PTPRK: variants seen among roughly 807,000 people sequenced by gnomAD.
The protein encoded by PTPRK is receptor-type tyrosine-protein phosphatase kappa.
Under a neutral mutation model 178.0 loss-of-function variants are expected in PTPRK, and 75 were observed. That is an observed-to-expected ratio of 0.42 (90% confidence interval 0.35 to 0.51). PTPRK has a LOEUF of 0.51. Ranked by LOEUF, PTPRK falls within the 20% of genes least tolerant of loss-of-function variation. PTPRK has a pLI of 0.02. For missense variants in PTPRK, 1,441 were observed against 1,797.8 expected, an observed-to-expected ratio of 0.80 and a Z score of 3.59; for synonymous variants, 637 against 620.6, an observed-to-expected ratio of 1.03 and a Z score of -0.39.
At chr6:127,990,025 C>T (rs754206841) in intron 21 of PTPRK, among the ~76,000 whole-genome samples, 1 of 152,088 alleles carries the variant, frequency 6.6e-6, no homozygotes, top group Non-Finnish European at 1.5e-5. Flanking sequence ...AGCCACCTTA[C>T]GTTATTCTTT....
At chr6:128,254,143 G>A (rs1166641794) in intron 3 of PTPRK, among the ~76,000 whole-genome samples, 2 of 152,116 alleles carry the variant, frequency 1.3e-5, no homozygotes, top group Non-Finnish European at 2.9e-5. Context: ...GAGGAGAAAG[G>A]TTTTGACATA....
At chr6:127,999,991 A>G (rs1777614753) in intron 15 of PTPRK, 2 of 933,714 alleles carry the variant, frequency 2.1e-6, no homozygotes, top group Non-Finnish European at 2.6e-6. Context: ...ATTTTTGCCT[A>G]TGAAGAATAA....
At chr6:128,191,816 A>C (rs1803851851) in intron 6 of PTPRK, among the ~76,000 whole-genome samples, 1 of 152,194 alleles carries the variant, frequency 6.6e-6, no homozygotes, top group African/African-American at 2.4e-5. Context: ...GAAAATAATA[A>C]ATTTACCACG....
chr6:128,219,259 C>CTCGAAAGCAG (rs143149143), intron 5 of PTPRK, among the ~76,000 whole-genome samples, 163 bp from the exon 6 acceptor site: 11,486 of 152,194 alleles, frequency 0.075, 591 homozygotes, highest in Non-Finnish European at 0.11. Context: ...TACTGGTATC[C>CTCGAAAGCAG]TCGAAAGCAG....
At chr6:128,358,861 A>T (rs1046378302) in intron 2 of PTPRK, among the ~76,000 whole-genome samples, 1 of 152,232 alleles carries the variant, frequency 6.6e-6, no homozygotes, top group Non-Finnish European at 1.5e-5. Context: ...GAAAGCAGCA[A>T]TATATTTCAG....
chr6:128,020,774 C>A (rs114431728), intron 13 of PTPRK, among the ~76,000 whole-genome samples: 29 of 152,228 alleles, frequency 1.9e-4, no homozygotes, highest in African/African-American at 7.0e-4. Context: ...TGCTTATTTA[C>A]GAAATGAAGG....
chr6:128,343,500 C>CA (rs1199189035), intron 2 of PTPRK, among the ~76,000 whole-genome samples: 5,354 of 67,864 alleles, frequency 0.079, 357 homozygotes, highest in African/African-American at 0.23. Flanking sequence ...AACTCCATCT[C>CA]AAAAAAAAAA....
chr6:128,383,915 C>T (rs981736825), intron 2 of PTPRK, among the ~76,000 whole-genome samples: 1 of 152,044 alleles, frequency 6.6e-6, no homozygotes, highest in African/African-American at 2.4e-5. Flanking sequence ...TTCTATAAAA[C>T]ATTAAGTTAA....
intron 1 of PTPRK, among the ~76,000 whole-genome samples, chr6:128,432,579 G>A (rs866084072): frequency 2.3e-4 from 35 of 152,108 alleles, no homozygotes; most frequent in African/African-American, 8.4e-4. Context: ...CTATGTCCCT[G>A]TTTCAGTCCC....
chr6:128,233,984 G>T (rs148556780), intron 5 of PTPRK, among the ~76,000 whole-genome samples: 3 of 152,304 alleles, frequency 2.0e-5, no homozygotes, highest in Non-Finnish European at 4.4e-5. Flanking sequence ...CAAAGCATAT[G>T]GTCTGACAGA....
At chr6:127,980,136 C>T (rs1476191711) in intron 25 of PTPRK, among the ~76,000 whole-genome samples, 2 of 152,168 alleles carry the variant, frequency 1.3e-5, no homozygotes, top group Non-Finnish European at 2.9e-5. Flanking sequence ...CATGGTGAAA[C>T]CCCATCTCTA....
rs200501268 is a variant in PTPRK, at chr6:128,083,776, T to C, written c.1514A>G (p.Asn505Ser). 1 of 1,607,322 alleles carries C rather than the reference T, an allele frequency of 6.2e-7. No individual in the cohort carries two copies. The highest frequency in any genetic ancestry group is 2.3e-5 in the East Asian group (1 of 44,318). Residue 505 changes from asparagine to serine, a missense_variant, in exon 9 of 30, where the codon AAT becomes AGT. This residue lies in a region of PTPRK where 945 missense variants were observed against 1,080.6 expected (regional missense o/e 0.87). Transcript: ENST00000368226. ...VKSLQGTSFE[N>S]KIFLNWKEPL... ...TTCTTTCCAGTTCAAGAAGATCTTA[T>C]TTTCAAAGGATGTTCCTTGAAGAGA...
At chr6:128,210,857 C>T (rs968148594) in intron 6 of PTPRK, among the ~76,000 whole-genome samples, 8 of 151,986 alleles carry the variant, frequency 5.3e-5, no homozygotes, top group African/African-American at 1.2e-4. Flanking sequence ...TTCTTCCTAA[C>T]GAAGGTACAA....
chr6:128,464,641 A>ATATATACATATATG (rs1849559099), intron 1 of PTPRK, among the ~76,000 whole-genome samples: 1 of 64,606 alleles, frequency 1.5e-5, no homozygotes, highest in East Asian at 3.7e-4. Flanking sequence ...ATATACACAT[A>ATATATACATATATG]TATATATATA....
chr6:128,283,731 T>A (rs1822041609), intron 3 of PTPRK, among the ~76,000 whole-genome samples: 1 of 152,182 alleles, frequency 6.6e-6, no homozygotes, highest in Non-Finnish European at 1.5e-5. Context: ...TAGTTAGAAA[T>A]AAACTGCCCT....
At chr6:128,243,432 G>C (rs1488870629) in intron 3 of PTPRK, among the ~76,000 whole-genome samples, 5 of 138,432 alleles carry the variant, frequency 3.6e-5, no homozygotes, top group Middle Eastern at 4.2e-3. Flanking sequence ...GGCAGGAGGA[G>C]TACTTGAGCC....
chr6:128,082,743 A>C, intron 9 of PTPRK, 105 bp from the exon 10 acceptor site: 1 of 786,254 alleles, frequency 1.3e-6, no homozygotes, highest in East Asian at 2.9e-5. Context: ...ATGTGGAGTC[A>C]ATGGTAATTT....
intron 3 of PTPRK, among the ~76,000 whole-genome samples, chr6:128,260,895 T>C (rs890669380): frequency 2.0e-5 from 3 of 152,196 alleles, no homozygotes; most frequent in Non-Finnish European, 2.9e-5. Flanking sequence ...TTTAATGATA[T>C]AGTTGTCCTC....
chr6:128,141,109 A>T lies in PTPRK; in HGVS notation c.1162+43323T>A, dbSNP rs147833107. Among the ~76,000 whole-genome samples the T allele has an allele frequency of 2.5e-3, 385 of 152,102 alleles. 2 individuals are homozygous for T. Among genetic ancestry groups the T allele is most frequent in the Non-Finnish European group, 4.3e-3 (293 of 67,886 alleles). On this transcript the variant is annotated intron_variant, in intron 7 of 29. Coordinates refer to ENST00000368226, the MANE Select transcript of PTPRK (RefSeq NM_002844.4). ...AAAAATTTATGCACAGGAAGAGTTG[A>T]TTCTTGATGGAACTAAAGTACAAAG... is the stretch of plus-strand genomic sequence containing the variant.
Sources: gnomAD v4.1 joint callset for allele counts (sites outside exome capture counted in the v4.1 genomes callset) on GRCh38, gnomAD v4.1.1 for gene constraint, gnomAD v4.1.1 regional missense constraint, MANE v1.5 for transcripts, NCBI Gene and HGNC (gene_info 2026-07-23, HGNC 2026-07-21) for gene names.